Variants in ARHGAP15 observed in about 807,000 individuals in gnomAD.
The protein encoded by ARHGAP15 is Rho GTPase activating protein 15.
A neutral mutation model predicts 63.7 loss-of-function variants in ARHGAP15; 51 were observed. The observed-to-expected ratio is 0.80, with a 90% confidence interval of 0.64 to 1.01. The LOEUF (loss-of-function observed/expected upper bound fraction) is 1.01, where lower values mean the gene tolerates loss of function less well. ARHGAP15 is among the 50% of genes least tolerant of loss of function. The pLI is 0.00. For synonymous variants in ARHGAP15, 191 were observed against 193.8 expected (o/e 0.99, Z 0.12); for missense variants, 560 against 564.6 (o/e 0.99, Z 0.08).
At chr2:143,410,937 C>T (rs1688415509) in intron 6 of ARHGAP15, among the ~76,000 whole-genome samples, 1 of 151,768 alleles carries the variant, frequency 6.6e-6, no homozygotes, top group South Asian at 2.1e-4. Flanking sequence ...GGCGTGATGG[C>T]TCACGCCTGT....
At chr2:143,425,180 C>T (rs770026891) in intron 6 of ARHGAP15, among the ~76,000 whole-genome samples, 6 of 151,992 alleles carry the variant, frequency 3.9e-5, no homozygotes, top group African/African-American at 1.4e-4. Flanking sequence ...GATATTTTTG[C>T]ACACATTTGG....
At chr2:143,322,880 G>GC (rs1392596677) in intron 6 of ARHGAP15, among the ~76,000 whole-genome samples, 1 of 152,208 alleles carries the variant, frequency 6.6e-6, no homozygotes, top group Non-Finnish European at 1.5e-5. Context: ...TATTCCATTT[G>GC]CAATGATATG....
intron 8 of ARHGAP15, among the ~76,000 whole-genome samples, chr2:143,462,352 T>C (rs1690984744): frequency 6.6e-6 from 1 of 152,092 alleles, no homozygotes; most frequent in Non-Finnish European, 1.5e-5. Context: ...TTTTAAACTA[T>C]TGGGGAAAAA....
chr2:143,687,006 T>C (rs538054492), intron 12 of ARHGAP15, among the ~76,000 whole-genome samples: 1 of 152,358 alleles, frequency 6.6e-6, no homozygotes, highest in East Asian at 1.9e-4. Context: ...ACTGAAGAAT[T>C]GAGTCAACTG....
intron 2 of ARHGAP15, among the ~76,000 whole-genome samples, chr2:143,167,177 T>C (rs1410811734): frequency 6.6e-6 from 1 of 152,158 alleles, no homozygotes; most frequent in Admixed American, 6.6e-5. Context: ...TGACTGAGCA[T>C]TGTCCTTCAA....
chr2:143,428,085 C>A (rs1322275099), intron 6 of ARHGAP15, among the ~76,000 whole-genome samples: 1 of 151,918 alleles, frequency 6.6e-6, no homozygotes, highest in Non-Finnish European at 1.5e-5. Flanking sequence ...GCAACATAAA[C>A]CAGTTTGTGC....
chr2:143,261,040 A>G (rs1460196854), intron 6 of ARHGAP15, among the ~76,000 whole-genome samples: 1 of 152,184 alleles, frequency 6.6e-6, no homozygotes, highest in Non-Finnish European at 1.5e-5. Flanking sequence ...ATGGCTCCAT[A>G]ATAGAGATAG....
chr2:143,563,252 A>T (rs1696098121), intron 11 of ARHGAP15, among the ~76,000 whole-genome samples: 1 of 152,248 alleles, frequency 6.6e-6, no homozygotes, highest in Admixed American at 6.5e-5. Flanking sequence ...TTTAATTAAG[A>T]TGACAAGTAG....
At chr2:143,202,351 T>C in intron 3 of ARHGAP15, 149 bp downstream of exon 3, 1 of 655,550 alleles carries the variant, frequency 1.5e-6, no homozygotes. Flanking sequence ...TAGCTTGGAG[T>C]CTCTCAAAAC....
At chr2:143,704,797 T>A (rs904584639) in intron 13 of ARHGAP15, among the ~76,000 whole-genome samples, 2 of 152,126 alleles carry the variant, frequency 1.3e-5, no homozygotes, top group African/African-American at 2.4e-5. Context: ...TTGGGATGAG[T>A]CATTCCTACA....
At chr2:143,682,661 G>A (rs1157423812) in intron 12 of ARHGAP15, 1 of 152,100 alleles carries the variant, frequency 6.6e-6, no homozygotes, top group East Asian at 1.9e-4. Flanking sequence ...GTCTGGTGCT[G>A]GTGTTTCAGT....
In ARHGAP15 at chr2:143,682,302, ATT is replaced by A. The variant is rs34391519; in HGVS notation, c.1139-21107_1139-21106del. On this transcript the variant is annotated intron_variant, in intron 12 of 13. Transcript: ENST00000295095. ...CGCTGTAACCTTAGCAAATAAGGAGATTTTTTTTTTTCCTTTTATTGCAGGTT... is the reference window on the plus strand; with the variant it reads ...CGCTGTAACCTTAGCAAATAAGGAGATTTTTTTTTCCTTTTATTGCAGGTT... Among the ~76,000 whole-genome samples the A allele has an allele frequency of 1.1e-3, 172 of 150,748 alleles. 1 individual carries two copies. The highest frequency in any genetic ancestry group is 6.0e-3 in the East Asian group (31 of 5,156).
At chr2:143,240,363 T>C (rs1274446158) in intron 5 of ARHGAP15, among the ~76,000 whole-genome samples, 1 of 152,120 alleles carries the variant, frequency 6.6e-6, no homozygotes, top group Non-Finnish European at 1.5e-5. Context: ...AATGATGTGA[T>C]TTAGCAAAAA....
intron 8 of ARHGAP15, 110 bp downstream of exon 8, chr2:143,437,152 A>C (rs774934612): frequency 8.0e-6 from 10 of 1,245,826 alleles, no homozygotes; most frequent in Non-Finnish European, 1.1e-5. Flanking sequence ...CTCATGGAAG[A>C]TTCGTAGCCA....
intron 8 of ARHGAP15, among the ~76,000 whole-genome samples, chr2:143,463,591 C>G (rs1691063709): frequency 6.6e-6 from 1 of 151,894 alleles, no homozygotes; most frequent in Non-Finnish European, 1.5e-5. Context: ...TATAATAAAT[C>G]AGAACAGGCC....
At chr2:143,525,352 C>G (rs1559027798) in intron 10 of ARHGAP15, among the ~76,000 whole-genome samples, 1 of 130,950 alleles carries the variant, frequency 7.6e-6, no homozygotes, top group African/African-American at 2.6e-5. Flanking sequence ...AAATTACATG[C>G]TCCAAAAAAA....
intron 13 of ARHGAP15, among the ~76,000 whole-genome samples, chr2:143,721,821 G>C (rs958727261): frequency 6.6e-6 from 1 of 152,048 alleles, no homozygotes; most frequent in African/African-American, 2.4e-5. Context: ...TGAGTAGCTG[G>C]AACTACAGGC....
intron 10 of ARHGAP15, among the ~76,000 whole-genome samples, chr2:143,525,179 T>C (rs1694212760): frequency 6.6e-6 from 1 of 152,164 alleles, no homozygotes; most frequent in East Asian, 1.9e-4. Context: ...AGGCACGCAC[T>C]AAAGGCTGAT....
At chr2:143,763,706 A>ATATGTGTATG (rs1559166000) in intron 13 of ARHGAP15, among the ~76,000 whole-genome samples, 2 of 129,098 alleles carry the variant, frequency 1.5e-5, no homozygotes, top group African/African-American at 5.8e-5. Flanking sequence ...ATGTGTATGT[A>ATATGTGTATG]TATGTGTATG....
Sources: gnomAD v4.1 joint callset for allele counts (sites outside exome capture counted in the v4.1 genomes callset) on GRCh38, gnomAD v4.1.1 for gene constraint, MANE v1.5 for transcripts, NCBI Gene and HGNC (gene_info 2026-07-23, HGNC 2026-07-21) for gene names.